RAPGEF2: variants seen among roughly 807,000 people sequenced by gnomAD.
The protein encoded by RAPGEF2 is PDZ domain containing guanine nucleotide exchange factor (GEF) 1.
Under a neutral mutation model 186.7 loss-of-function variants are expected in RAPGEF2, and 54 were observed. The ratio of observed to expected loss-of-function variants is 0.29; its 90% CI spans 0.23 to 0.36. The LOEUF (loss-of-function observed/expected upper bound fraction) is 0.36, where lower values mean the gene tolerates loss of function less well. RAPGEF2 is among the 10% of genes least tolerant of loss of function. RAPGEF2 has a pLI of 1.00. For missense variants in RAPGEF2, 1,532 were observed against 2,045.0 expected, an observed-to-expected ratio of 0.75 and a Z score of 4.84; for synonymous variants, 712 against 705.9, an observed-to-expected ratio of 1.01 and a Z score of -0.14.
chr4:159,189,850 A>G (rs1440974565), intron 2 of RAPGEF2, among the ~76,000 whole-genome samples: 1 of 152,232 alleles, frequency 6.6e-6, no homozygotes, highest in Non-Finnish European at 1.5e-5. Flanking sequence ...TTGATTGTAT[A>G]CTTACTGTGT....
intron 7 of RAPGEF2, among the ~76,000 whole-genome samples, chr4:159,263,562 G>T (rs1012108739): frequency 3.4e-4 from 51 of 151,832 alleles, no homozygotes; most frequent in African/African-American, 1.2e-3. Context: ...TGAAGTAAGT[G>T]GTATTAAGAA....
chr4:159,330,860 C>G (rs921352905), intron 13 of RAPGEF2, among the ~76,000 whole-genome samples: 1 of 152,116 alleles, frequency 6.6e-6, no homozygotes, highest in Admixed American at 6.6e-5. Flanking sequence ...ATAAAAGTTA[C>G]AGTTTTTAAA....
chr4:159,203,346 A>T (rs1749643490), intron 3 of RAPGEF2, among the ~76,000 whole-genome samples: 1 of 152,216 alleles, frequency 6.6e-6, no homozygotes, highest in Non-Finnish European at 1.5e-5. Flanking sequence ...CCAATCAAGC[A>T]TTATGTAGTG....
intron 19 of RAPGEF2, among the ~76,000 whole-genome samples, chr4:159,340,990 T>C (rs1256673965): frequency 1.3e-5 from 2 of 152,222 alleles, no homozygotes; most frequent in African/African-American, 2.4e-5. Context: ...GTAGAGTTTT[T>C]ATGAAAATCC....
intron 9 of RAPGEF2, among the ~76,000 whole-genome samples, chr4:159,318,134 A>T (rs955119331): frequency 6.6e-6 from 1 of 152,216 alleles, no homozygotes; most frequent in African/African-American, 2.4e-5. Context: ...CTTGCAAGCA[A>T]TGACAATTAT....
At chr4:159,248,115 C>G (rs1282202997) in intron 7 of RAPGEF2, among the ~76,000 whole-genome samples, 1 of 152,106 alleles carries the variant, frequency 6.6e-6, no homozygotes, top group Non-Finnish European at 1.5e-5. Context: ...TCATTAATTT[C>G]TGATGATTTG....
intron 7 of RAPGEF2, among the ~76,000 whole-genome samples, chr4:159,276,001 A>G (rs890375814): frequency 6.6e-6 from 1 of 152,182 alleles, no homozygotes; most frequent in African/African-American, 2.4e-5. Context: ...TATGGGTACT[A>G]TGGAACTGAG....
rs151014391 is a variant in RAPGEF2 at position 159,336,219 on chromosome 4, G to C, written c.2136-2092G>C. Among the ~76,000 whole-genome samples the C allele has an allele frequency of 4.6e-5, 7 of 151,410 alleles. No individual in the cohort carries two copies. The East Asian group carries it at 1.2e-3, about 25-fold the overall frequency. On this transcript the variant is annotated intron_variant, in intron 17 of 29. Transcript: ENST00000691494. ...GGTACACGTGGTTTTTTGTTACATG[G>C]GTGAATTATATAGTGGTGGTGAATT...
chr4:159,255,609 G>C (rs1579632874), intron 7 of RAPGEF2, among the ~76,000 whole-genome samples: 1 of 152,162 alleles, frequency 6.6e-6, no homozygotes, highest in East Asian at 1.9e-4. Context: ...TGAAATGGTG[G>C]GTCTCCCTTG....
intron 1 of RAPGEF2, among the ~76,000 whole-genome samples, chr4:159,139,106 T>C (rs2111157385): frequency 6.6e-6 from 1 of 152,328 alleles, no homozygotes; most frequent in African/African-American, 2.4e-5. Context: ...CTTGGTCACA[T>C]GCCAGATATT....
rs571985881 is a variant in RAPGEF2, at chr4:159,293,563, A to G, written c.544-10779A>G. On this transcript the variant is annotated intron_variant, in intron 7 of 29. Coordinates refer to ENST00000691494, the MANE Select transcript of RAPGEF2 (RefSeq NM_001394067.2). ...TTATCAGTGTCCTGCCTACTTCTTCATAAGGAATTTAGAATTTCACTGTGG... is the reference window on the plus strand; with the variant it reads ...TTATCAGTGTCCTGCCTACTTCTTCGTAAGGAATTTAGAATTTCACTGTGG... Among the ~76,000 whole-genome samples the G allele has an allele frequency of 6.2e-4, 95 of 152,240 alleles. 1 individual carries two copies. Among genetic ancestry groups the G allele is most frequent in the Non-Finnish European group, 8.8e-4 (60 of 68,038 alleles).
At chr4:159,278,559 A>G (rs1477670092) in intron 7 of RAPGEF2, among the ~76,000 whole-genome samples, 1 of 152,184 alleles carries the variant, frequency 6.6e-6, no homozygotes, top group Non-Finnish European at 1.5e-5. Context: ...AAATAACCCA[A>G]GTTAGGAAAT....
chr4:159,106,431 T>C (rs1217056872), intron 1 of RAPGEF2, among the ~76,000 whole-genome samples: 1 of 152,182 alleles, frequency 6.6e-6, no homozygotes, highest in Non-Finnish European at 1.5e-5. Flanking sequence ...AAAGTTTTTG[T>C]AGAAGGTACT....
intron 1 of RAPGEF2, among the ~76,000 whole-genome samples, chr4:159,131,395 C>A (rs1741052852): frequency 6.6e-6 from 1 of 152,206 alleles, no homozygotes; most frequent in Non-Finnish European, 1.5e-5. Context: ...CAGGCATGAG[C>A]CACCGCGCCC....
At chr4:159,343,956 A>G in intron 22 of RAPGEF2, 80 bp from the exon 23 acceptor site, 7 of 1,396,514 alleles carry the variant, frequency 5.0e-6, no homozygotes, top group South Asian at 2.3e-5. Context: ...CCAGAAGTCT[A>G]GTCCTTTCTT....
intron 7 of RAPGEF2, among the ~76,000 whole-genome samples, chr4:159,282,193 G>A (rs1222976427): frequency 6.6e-6 from 1 of 152,158 alleles, no homozygotes; most frequent in East Asian, 1.9e-4. Flanking sequence ...AATGTTGATG[G>A]TGATTCAGAG....
chr4:159,186,649 A>G lies in RAPGEF2; in HGVS notation c.77A>G (p.Glu26Gly). ...NPPERTPQDL[E>G]IVYSYLHGME... Reference sequence around the variant, plus strand: ...TTCTTTTCTTTGAAACAGGATCTGGAAATAGTATATTCCTATTTACATGGT... The same window carrying G: ...TTCTTTTCTTTGAAACAGGATCTGGGAATAGTATATTCCTATTTACATGGT... The change falls in exon 2 of 30, where the codon GAA becomes GGA. Residue 26 changes from glutamate to glycine, a missense_variant. This residue lies in a region of RAPGEF2 where 810 missense variants were observed against 1,210.5 expected (regional missense o/e 0.67). Coordinates refer to ENST00000691494, the MANE Select transcript of RAPGEF2 (RefSeq NM_001394067.2). The G allele has an allele frequency of 7.0e-7, 1 of 1,435,420 alleles. No individual in the cohort carries two copies. The highest frequency in any genetic ancestry group is 1.4e-5 in the South Asian group (1 of 72,416). 88.9% of individuals were successfully genotyped at this position (1,435,420 alleles called of 1,614,324 possible).
chr4:159,345,025 A>T, intron 23 of RAPGEF2, 81 bp from the exon 24 acceptor site: 1 of 1,132,326 alleles, frequency 8.8e-7, no homozygotes, highest in Non-Finnish European at 1.3e-6. Flanking sequence ...ATAGACTATT[A>T]ATATCAGTCT....
intron 1 of RAPGEF2, among the ~76,000 whole-genome samples, chr4:159,159,305 C>T (rs551653728): frequency 5.4e-4 from 82 of 152,324 alleles, no homozygotes; most frequent in African/African-American, 1.9e-3. Context: ...GGTTGGACAT[C>T]ACTATTCTCT....
Sources: gnomAD v4.1 joint callset for allele counts (sites outside exome capture counted in the v4.1 genomes callset) on GRCh38, gnomAD v4.1.1 for gene constraint, gnomAD v4.1.1 regional missense constraint, MANE v1.5 for transcripts, NCBI Gene and HGNC (gene_info 2026-07-23, HGNC 2026-07-21) for gene names.